Variants in NAV3 observed in about 807,000 individuals in gnomAD.
NAV3 encodes neuron navigator 3, also known as pore membrane and/or filament interacting like protein 1.
In NAV3, 87 loss-of-function variants were observed where a neutral mutation model predicts 244.7. The ratio of observed to expected loss-of-function variants is 0.36; its 90% CI spans 0.30 to 0.42. NAV3 has a LOEUF of 0.42. NAV3 is among the 20% of genes least tolerant of loss of function. The probability of loss-of-function intolerance (pLI) is 1.00; values close to 1 mark genes in which losing one functional copy is unlikely to be tolerated. For missense variants in NAV3, 2,663 were observed against 2,893.3 expected (o/e 0.92, Z 1.83); for synonymous variants, 1,126 against 1,042.2 (o/e 1.08, Z -1.55).
rs1368110770 is a variant in NAV3, at chr12:77,867,602, A to G, written c.243+35898A>G. Among the ~76,000 whole-genome samples the G allele has an allele frequency of 2.0e-5, 3 of 151,800 alleles. No homozygotes were observed. In the East Asian group the frequency reaches 5.8e-4, roughly 29 times the overall value. On this transcript the variant is annotated intron_variant, in intron 1 of 39. Transcript: ENST00000397909. ...GCCCGGCTAATTTTTTTGCATTTTTACTAGAGACGGGGTTTCACTGTGTTA... is the reference window on the plus strand; with the variant it reads ...GCCCGGCTAATTTTTTTGCATTTTTGCTAGAGACGGGGTTTCACTGTGTTA...
chr12:77,636,270 T>C (rs1872148840), intron 2 of NAV3, among the ~76,000 whole-genome samples: 1 of 151,798 alleles, frequency 6.6e-6, no homozygotes. Flanking sequence ...ATCGAGACCA[T>C]CCTGGCTAAC....
chr12:78,180,800 A>T (rs1958465145), intron 29 of NAV3, 71 bp from the exon 30 acceptor site: 1 of 1,270,056 alleles, frequency 7.9e-7, no homozygotes, highest in Non-Finnish European at 1.1e-6. Flanking sequence ...ATTAACTCTG[A>T]TAAAAGACTT....
chr12:77,789,965 C>T (rs1871110726), intron 2 of NAV3, among the ~76,000 whole-genome samples: 1 of 151,980 alleles, frequency 6.6e-6, no homozygotes, highest in Admixed American at 6.6e-5. Flanking sequence ...GTTGGAAAAC[C>T]CTGGTCTAGA....
intron 3 of NAV3, among the ~76,000 whole-genome samples, chr12:77,946,978 G>GT (rs1890409054): frequency 6.6e-6 from 1 of 152,086 alleles, no homozygotes; most frequent in African/African-American, 2.4e-5. Flanking sequence ...TCTGGCAAAT[G>GT]TATTTCACAG....
At chr12:77,857,833 A>G (rs1283886216) in intron 1 of NAV3, among the ~76,000 whole-genome samples, 1 of 151,902 alleles carries the variant, frequency 6.6e-6, no homozygotes, top group Non-Finnish European at 1.5e-5. Flanking sequence ...CCCCCCAAAC[A>G]CATTTATATT....
At chr12:77,698,019 A>AT (rs1331471798) in intron 2 of NAV3, among the ~76,000 whole-genome samples, 5 of 152,006 alleles carry the variant, frequency 3.3e-5, no homozygotes, top group East Asian at 1.9e-4. Flanking sequence ...TGAGAAGATA[A>AT]TTTTTTTTCA....
intron 3 of NAV3, among the ~76,000 whole-genome samples, chr12:77,959,635 A>G (rs1891692674): frequency 6.6e-6 from 1 of 152,070 alleles, no homozygotes; most frequent in South Asian, 2.1e-4. Context: ...TGAAAAAATC[A>G]GCTAAAATGA....
intron 3 of NAV3, among the ~76,000 whole-genome samples, chr12:77,965,082 A>G (rs1012757221): frequency 6.6e-6 from 1 of 152,136 alleles, no homozygotes; most frequent in Non-Finnish European, 1.5e-5. Flanking sequence ...AAGACAGACA[A>G]TAGGACCTTG....
chr12:77,709,377 C>T (rs1221566500), intron 2 of NAV3, among the ~76,000 whole-genome samples: 1 of 152,142 alleles, frequency 6.6e-6, no homozygotes, highest in East Asian at 1.9e-4. Context: ...GAAGCATTCC[C>T]TTTGAAAACT....
At chr12:78,140,356 A>C in intron 20 of NAV3, 22 bp downstream of exon 20, 2 of 1,602,538 alleles carry the variant, frequency 1.2e-6, no homozygotes, top group Non-Finnish European at 1.7e-6. Flanking sequence ...CTGTTAAGAA[A>C]AAGCTTGTGC....
chr12:77,611,842 AG>A (rs1225375588), intron 2 of NAV3, among the ~76,000 whole-genome samples: 1 of 152,028 alleles, frequency 6.6e-6, no homozygotes, highest in African/African-American at 2.4e-5. Flanking sequence ...TTGGGAGAAA[AG>A]GGACCAAGCT....
At chr12:78,060,802 A>G (rs1194232432) in intron 12 of NAV3, among the ~76,000 whole-genome samples, 2 of 152,154 alleles carry the variant, frequency 1.3e-5, no homozygotes, top group African/African-American at 4.8e-5. Flanking sequence ...CTAATGACCT[A>G]TTATTCTATT....
intron 10 of NAV3, 72 bp from the exon 11 acceptor site, chr12:78,050,692 C>T (rs540783968): frequency 6.8e-7 from 1 of 1,479,488 alleles, no homozygotes; most frequent in Non-Finnish European, 9.1e-7. Flanking sequence ...CCAGCCTTTT[C>T]TGTCTTCATG....
At chr12:77,953,542 C>T (rs990789059) in intron 3 of NAV3, among the ~76,000 whole-genome samples, 1 of 152,114 alleles carries the variant, frequency 6.6e-6, no homozygotes, top group Admixed American at 6.6e-5. Flanking sequence ...AAACGTACTC[C>T]TTGTATCTAA....
At chr12:77,759,301 T>A (rs972985313) in intron 2 of NAV3, among the ~76,000 whole-genome samples, 3 of 152,190 alleles carry the variant, frequency 2.0e-5, no homozygotes, top group African/African-American at 7.2e-5. Flanking sequence ...TATTTAGCTC[T>A]TCATAAAAGA....
At chr12:77,808,839 T>C (rs1008029788) in intron 2 of NAV3, among the ~76,000 whole-genome samples, 1 of 152,214 alleles carries the variant, frequency 6.6e-6, no homozygotes, top group East Asian at 1.9e-4. Flanking sequence ...AGCTCCTGAC[T>C]GGGGCTGCTG....
intron 1 of NAV3, among the ~76,000 whole-genome samples, chr12:77,872,730 C>T (rs1425681539): frequency 6.6e-6 from 1 of 152,110 alleles, no homozygotes; most frequent in Non-Finnish European, 1.5e-5. Flanking sequence ...CCTTTGTGAA[C>T]TTTTACATTT....
At chr12:77,647,046 G>T (rs1388633616) in intron 2 of NAV3, among the ~76,000 whole-genome samples, 1 of 143,324 alleles carries the variant, frequency 7.0e-6, no homozygotes, top group African/African-American at 2.7e-5. Context: ...TATACATGGT[G>T]TATGTGTGAA....
chr12:77,581,340 G>T (rs565290143), intron 2 of NAV3, among the ~76,000 whole-genome samples: 43 of 152,168 alleles, frequency 2.8e-4, no homozygotes, highest in African/African-American at 9.6e-5. Context: ...CAAATAAAAA[G>T]AAATGACTTT....
Sources: allele counts gnomAD v4.1 joint callset (sites outside exome capture counted in the v4.1 genomes callset), GRCh38; gene constraint gnomAD v4.1.1; transcripts MANE v1.5; gene names NCBI Gene and HGNC (gene_info 2026-07-23, HGNC 2026-07-21).